ATF3: variants seen among roughly 807,000 people sequenced by gnomAD.
ATF3 encodes the protein activating transcription factor 3, also known as cyclic AMP-dependent transcription factor ATF-3.
Under a neutral mutation model 18.4 loss-of-function variants are expected in ATF3, and 10 were observed. The observed-to-expected ratio is 0.54, with a 90% CI of 0.34 to 0.92. The LOEUF is 0.92. ATF3 is among the 40% of genes least tolerant of loss of function. ATF3 has a pLI of 0.02. For missense variants in ATF3, 183 were observed against 222.3 expected, an observed-to-expected ratio of 0.82 and a Z score of 1.12; for synonymous variants, 78 against 87.9, an observed-to-expected ratio of 0.89 and a Z score of 0.63.
At chr1:212,599,592 ACT>A (rs1654416124) in intron 1 of ATF3, among the ~76,000 whole-genome samples, 1 of 151,918 alleles carries the variant, frequency 6.6e-6, no homozygotes. Context: ...TCTTTCCATT[ACT>A]TTGATATCCC....
chr1:212,616,815 T>C (rs906652745), intron 2 of ATF3, among the ~76,000 whole-genome samples: 2 of 152,200 alleles, frequency 1.3e-5, no homozygotes, highest in Non-Finnish European at 2.9e-5. Context: ...ATGTGGGGTG[T>C]AAGAGAAAGG....
At chr1:212,587,269 A>G (rs1316992106) in intron 1 of ATF3, among the ~76,000 whole-genome samples, 1 of 152,268 alleles carries the variant, frequency 6.6e-6, no homozygotes, top group Non-Finnish European at 1.5e-5. Flanking sequence ...TGGGATGAAT[A>G]CATTAATAAA....
intron 1 of ATF3, among the ~76,000 whole-genome samples, chr1:212,613,091 C>T (rs1239697316): frequency 6.6e-6 from 1 of 152,200 alleles, no homozygotes; most frequent in Non-Finnish European, 1.5e-5. Flanking sequence ...TTCAAATCTT[C>T]ATCTTCTGAC....
chr1:212,577,091 C>T (rs1664596603), intron 1 of ATF3, among the ~76,000 whole-genome samples: 1 of 152,044 alleles, frequency 6.6e-6, no homozygotes, highest in African/African-American at 2.4e-5. Context: ...AAACTCTCTT[C>T]ATCGTTGGAT....
chr1:212,581,113 G>A (rs982177924), intron 1 of ATF3, among the ~76,000 whole-genome samples: 1 of 152,238 alleles, frequency 6.6e-6, no homozygotes, highest in Non-Finnish European at 1.5e-5. Flanking sequence ...TTTCCAGAGA[G>A]GGATGGGAAG....
Position 212,620,125 on chromosome 1 carries a change from G to C in ATF3, c.*570G>C, listed in dbSNP as rs1432879859. The C allele has an allele frequency of 6.4e-6, 1 of 157,050 alleles. No individual in the cohort carries two copies. Among genetic ancestry groups the C allele is most frequent in the Non-Finnish European group, 1.4e-5 (1 of 70,784 alleles). 9.7% of individuals were successfully genotyped at this position (157,050 alleles called of 1,614,324 possible). ...CACAACACTGATGTGACTTTTATAT[G>C]CTTTTTCTCAGATCTGGTTTCTAAG... is the stretch of plus-strand genomic sequence containing the variant. On this transcript the variant is annotated 3_prime_UTR_variant, in exon 4 of 4. Coordinates refer to ENST00000341491, the MANE Select transcript of ATF3 (RefSeq NM_001674.4).
intron 1 of ATF3, among the ~76,000 whole-genome samples, chr1:212,583,255 G>A (rs1664717702): frequency 1.3e-5 from 2 of 151,920 alleles, no homozygotes; most frequent in African/African-American, 2.4e-5. Flanking sequence ...ATGGGATCTC[G>A]CTATGTTGCC....
At chr1:212,586,922 G>A (rs1464360962) in intron 1 of ATF3, among the ~76,000 whole-genome samples, 2 of 152,342 alleles carry the variant, frequency 1.3e-5, no homozygotes, top group East Asian at 3.9e-4. Flanking sequence ...AAAGTACAAT[G>A]AGCAGCTTCT....
chr1:212,614,102 G>C (rs1406566232), intron 1 of ATF3: 1 of 152,166 alleles, frequency 6.6e-6, no homozygotes, highest in Non-Finnish European at 1.5e-5. Context: ...TAAAGCAATG[G>C]TGGAGACTCA....
At chr1:212,605,091 ATAAT>A (rs1421380213), upstream of ATF3, among the ~76,000 whole-genome samples, 1 of 152,202 alleles carries the variant, frequency 6.6e-6, no homozygotes, top group African/African-American at 2.4e-5. Context: ...CTCTTGATTC[ATAAT>A]TAATTAATGA....
chr1:212,602,929 A>G (rs890748153), intron 1 of ATF3, among the ~76,000 whole-genome samples: 3 of 152,234 alleles, frequency 2.0e-5, no homozygotes, highest in Non-Finnish European at 2.9e-5. Context: ...TATGTTTAAT[A>G]CAACACAATA....
chr1:212,566,802 C>T (rs982406429), intron 1 of ATF3, among the ~76,000 whole-genome samples: 6 of 152,202 alleles, frequency 3.9e-5, no homozygotes, highest in African/African-American at 1.2e-4. Flanking sequence ...AATTGAGCAG[C>T]CTCCTGGTTC....
chr1:212,574,625 T>C (rs1664541535), intron 1 of ATF3, among the ~76,000 whole-genome samples: 2 of 152,106 alleles, frequency 1.3e-5, no homozygotes, highest in African/African-American at 4.8e-5. Context: ...TATCTTCCTA[T>C]ATATTGTTTT....
intron 1 of ATF3, among the ~76,000 whole-genome samples, chr1:212,577,063 T>C (rs1664596057): frequency 6.6e-6 from 1 of 152,138 alleles, no homozygotes. Context: ...GTTCTTTAAG[T>C]GACAGTCTGT....
At chr1:212,611,490 G>A (rs1654890905) in intron 1 of ATF3, among the ~76,000 whole-genome samples, 1 of 152,210 alleles carries the variant, frequency 6.6e-6, no homozygotes, top group Non-Finnish European at 1.5e-5. Flanking sequence ...GGCCCAGAAA[G>A]CCTAAGTGAT....
intron 1 of ATF3, among the ~76,000 whole-genome samples, chr1:212,583,101 C>A (rs1251852886): frequency 6.6e-6 from 1 of 152,156 alleles, no homozygotes; most frequent in African/African-American, 2.4e-5. Context: ...TCACTCCTAA[C>A]TGGTTTCTGA....
chr1:212,597,189 C>G (rs751140742), intron 1 of ATF3, among the ~76,000 whole-genome samples: 57 of 152,112 alleles, frequency 3.7e-4, no homozygotes, highest in Admixed American at 2.9e-3. Flanking sequence ...TTTTATGTGA[C>G]TAGGTATGTG....
chr1:212,593,771 G>A lies in ATF3; in HGVS notation c.-4-21247G>A, dbSNP rs1362113366. ...AAAAAAAAAAAAAAAAAAAAAAAGT[G>A]TTCTTAAGACTTTGTAAATGATTGT... is the stretch of plus-strand genomic sequence containing the variant. On this transcript the variant is annotated intron_variant, in intron 1 of 3. Coordinates refer to the ATF3 transcript ENST00000366981. Among the ~76,000 whole-genome samples, 5 of 141,960 alleles carry A rather than the reference G, an allele frequency of 3.5e-5. No homozygotes were observed. The East Asian group carries it at 1.0e-3, about 29-fold the overall frequency. The allele number at this position is 141,960 out of a possible 152,430, so 93.1% of individuals were successfully genotyped here. A position where few individuals can be genotyped will look rare whatever the true frequency, so the allele number is the denominator to read the frequency against.
chr1:212,582,493 A>T (rs1664700873), intron 1 of ATF3, among the ~76,000 whole-genome samples: 1 of 152,232 alleles, frequency 6.6e-6, no homozygotes, highest in South Asian at 2.1e-4. Flanking sequence ...GCTCTATTTT[A>T]GTCACAGTCA....
Sources: gnomAD v4.1 joint callset for allele counts (sites outside exome capture counted in the v4.1 genomes callset) on GRCh38, gnomAD v4.1.1 for gene constraint, MANE v1.5 for transcripts, NCBI Gene and HGNC (gene_info 2026-07-23, HGNC 2026-07-21) for gene names.